ALLC: variants seen among roughly 807,000 people sequenced by gnomAD.
ALLC encodes allantoicase.
A neutral mutation model predicts 45.0 loss-of-function variants in ALLC; 40 were observed. The ratio of observed to expected loss-of-function variants is 0.89; its 90% CI spans 0.69 to 1.16. The LOEUF (loss-of-function observed/expected upper bound fraction) is 1.16, where lower values mean the gene tolerates loss of function less well. Ranked by LOEUF, ALLC falls within the 50% of genes most tolerant of loss-of-function variation. ALLC has a pLI of 0.00. For missense variants in ALLC, 488 were observed against 493.1 expected, an observed-to-expected ratio of 0.99 and a Z score of 0.10; for synonymous variants, 176 against 178.1, an observed-to-expected ratio of 0.99 and a Z score of 0.09.
chr2:3,689,335 A>G (rs1572526013), intron 7 of ALLC, among the ~76,000 whole-genome samples: 1 of 150,746 alleles, frequency 6.6e-6, no homozygotes, highest in Non-Finnish European at 1.5e-5. Flanking sequence ...CTTCTTTGGT[A>G]TAGGTATTTA....
intron 7 of ALLC, chr2:3,694,840 T>A (rs1159580482): frequency 6.6e-6 from 1 of 152,244 alleles, no homozygotes; most frequent in East Asian, 1.9e-4. Context: ...TAATTTTCTA[T>A]ATTAAAAATG....
chr2:3,672,186 A>T (rs1245405464), intron 2 of ALLC, among the ~76,000 whole-genome samples: 177 of 57,324 alleles, frequency 3.1e-3, no homozygotes, highest in Admixed American at 4.7e-3. Flanking sequence ...GGAGGTCCCC[A>T]GGCTCTGATT....
intron 6 of ALLC, 138 bp from the exon 7 acceptor site, chr2:3,682,804 C>A: frequency 1.2e-6 from 1 of 847,498 alleles, no homozygotes; most frequent in East Asian, 2.8e-5. Context: ...GGATTACAGG[C>A]GTGAGCCACC....
At chr2:3,657,025 G>A (rs904710197), upstream of ALLC, among the ~76,000 whole-genome samples, 73 of 152,322 alleles carry the variant, frequency 4.8e-4, no homozygotes, top group Non-Finnish European at 8.4e-4. Flanking sequence ...GACAAGAACT[G>A]CCAGGGACGA....
At chr2:3,682,556 C>T (rs539435253) in intron 6 of ALLC, among the ~76,000 whole-genome samples, 4 of 152,180 alleles carry the variant, frequency 2.6e-5, no homozygotes, top group Non-Finnish European at 5.9e-5. Context: ...GACGGAGTCT[C>T]GCTCTGTGGC....
intron 2 of ALLC, among the ~76,000 whole-genome samples, chr2:3,672,657 C>T (rs1192690294): frequency 1.4e-5 from 2 of 142,722 alleles, no homozygotes; most frequent in African/African-American, 2.7e-5. Flanking sequence ...GGTCCTCTGG[C>T]TCTGGTTAGA....
At chr2:3,675,295 T>A (rs1271886119) in intron 3 of ALLC, among the ~76,000 whole-genome samples, 1 of 150,110 alleles carries the variant, frequency 6.7e-6, no homozygotes, top group Non-Finnish European at 1.5e-5. Flanking sequence ...AAGGCTGAGC[T>A]GGGAGGATTG....
At chr2:3,659,745 G>A (rs768101241) in intron 1 of ALLC, among the ~76,000 whole-genome samples, 12 of 152,222 alleles carry the variant, frequency 7.9e-5, no homozygotes, top group Non-Finnish European at 1.3e-4. Context: ...GGCTGAGAAC[G>A]GCCCCTTATA....
At chr2:3,652,571 A>C in the ALLC span, among the ~76,000 whole-genome samples, 276 of 149,216 alleles carry the variant, frequency 1.8e-3, 2 homozygotes, top group African/African-American at 6.5e-3. Context: ...ACCACCCCAA[A>C]ACTTTGTGAT....
intron 7 of ALLC, among the ~76,000 whole-genome samples, chr2:3,689,538 T>A (rs941517045): frequency 2.0e-5 from 3 of 151,378 alleles, no homozygotes; most frequent in Admixed American, 2.0e-4. Flanking sequence ...ATTATTGATT[T>A]CTAGTTTTAT....
intron 1 of ALLC, among the ~76,000 whole-genome samples, chr2:3,662,690 C>A (rs189672408): frequency 6.6e-6 from 1 of 152,232 alleles, no homozygotes; most frequent in African/African-American, 2.4e-5. Context: ...TTTAGGGTGT[C>A]CATTACCTGA....
the ALLC span, among the ~76,000 whole-genome samples, chr2:3,646,481 T>C: frequency 6.6e-6 from 1 of 152,208 alleles, no homozygotes; most frequent in East Asian, 1.9e-4. Context: ...TCTCATCTCA[T>C]TGGAAGGACA....
In ALLC at chr2:3,683,054, T is replaced by A; in HGVS notation, c.491T>A (p.Ile164Asn). ...LVNSQQRWTH[I>N]RLNIFPDGGI... ...AATTCCCAGCAGAGATGGACTCATA[T>A]CAGACTCAACATTTTCCCAGGTAAT... The change falls in exon 7 of 12, where the codon ATC (isoleucine) becomes AAC (asparagine). Residue 164 changes from isoleucine to asparagine, a missense_variant. Physicochemically the swap from Ile to Asn is moderately radical, Grantham distance 149. Transcript: ENST00000252505. The A allele has an allele frequency of 1.2e-6, 2 of 1,613,806 alleles. No individual in the cohort carries two copies. Among genetic ancestry groups the A allele is most frequent in the Non-Finnish European group, 1.7e-6 (2 of 1,179,846 alleles).
chr2:3,696,203 A>T, intron 8 of ALLC, 72 bp from the exon 9 acceptor site: 1 of 1,235,524 alleles, frequency 8.1e-7, no homozygotes, highest in Non-Finnish European at 1.2e-6. Context: ...TCTGTAATTT[A>T]ATTACAGCAA....
intron 9 of ALLC, among the ~76,000 whole-genome samples, chr2:3,696,684 G>A (rs2148021373): frequency 6.6e-6 from 1 of 152,308 alleles, no homozygotes; most frequent in South Asian, 2.1e-4. Context: ...CACTAGTTTA[G>A]CAATGTTTGA....
intron 1 of ALLC, among the ~76,000 whole-genome samples, chr2:3,659,757 C>T (rs1054426540): frequency 6.6e-6 from 1 of 152,192 alleles, no homozygotes; most frequent in Non-Finnish European, 1.5e-5. Context: ...CCCCTTATAC[C>T]GCCAGCTCTT....
At chr2:3,693,577 T>A (rs1413448505) in intron 7 of ALLC, among the ~76,000 whole-genome samples, 1 of 152,174 alleles carries the variant, frequency 6.6e-6, no homozygotes, top group South Asian at 2.1e-4. Flanking sequence ...GTATGCTTCA[T>A]GAAGAAAGGG....
chr2:3,664,284 A>G (rs979541783), intron 1 of ALLC, among the ~76,000 whole-genome samples: 5 of 152,154 alleles, frequency 3.3e-5, no homozygotes, highest in African/African-American at 9.7e-5. Flanking sequence ...ACTTATCTCT[A>G]TGGTGGCTCC....
intron 3 of ALLC, among the ~76,000 whole-genome samples, chr2:3,675,274 C>T (rs191122313): frequency 1.3e-5 from 2 of 151,882 alleles, no homozygotes; most frequent in African/African-American, 4.8e-5. Flanking sequence ...CCTGTAGTCC[C>T]CGCTACTCAG....
Sources: allele counts gnomAD v4.1 joint callset (sites outside exome capture counted in the v4.1 genomes callset), GRCh38; gene constraint gnomAD v4.1.1; transcripts MANE v1.5; gene names NCBI Gene and HGNC (gene_info 2026-07-23, HGNC 2026-07-21).